LARP4B: variants seen among roughly 807,000 people sequenced by gnomAD.
LARP4B encodes the protein La ribonucleoprotein 4B.
In LARP4B, 12 loss-of-function variants were observed where a neutral mutation model predicts 89.8. The ratio of observed to expected loss-of-function variants is 0.13; its 90% confidence interval spans 0.09 to 0.22. The LOEUF is 0.22. Among genes scored for constraint, LARP4B ranks in the 10% least tolerant of loss-of-function variants. The probability of loss-of-function intolerance (pLI) is 1.00; values close to 1 mark genes in which losing one functional copy is unlikely to be tolerated. For synonymous variants in LARP4B, 367 were observed against 363.3 expected, an observed-to-expected ratio of 1.01 and a Z score of -0.12; for missense variants, 757 against 947.7, an observed-to-expected ratio of 0.80 and a Z score of 2.64.
At chr10:972,962 C>A in the LARP4B span, 1 of 440,390 alleles carries the variant, frequency 2.3e-6, no homozygotes, top group African/African-American at 2.0e-5. Context: ...TGCTCAGTTC[C>A]TCCCCGTGCA....
chr10:902,729 C>A (rs1211761065), intron 1 of LARP4B, among the ~76,000 whole-genome samples: 2 of 151,760 alleles, frequency 1.3e-5, no homozygotes, highest in East Asian at 3.9e-4. Flanking sequence ...ACTGCAACCT[C>A]CACATCCCAG....
intron 1 of LARP4B, among the ~76,000 whole-genome samples, chr10:906,652 C>A (rs182671848): frequency 6.6e-6 from 1 of 152,336 alleles, no homozygotes; most frequent in Admixed American, 6.5e-5. Flanking sequence ...AGTTTCAGCA[C>A]AAAATTATCT....
chr10:912,072 T>C (rs972198692), intron 1 of LARP4B, among the ~76,000 whole-genome samples: 1 of 152,230 alleles, frequency 6.6e-6, no homozygotes, highest in Non-Finnish European at 1.5e-5. Context: ...GGAATGTCCT[T>C]GCAGTGAGAA....
chr10:814,912 A>G lies in LARP4B; in HGVS notation c.1820+34T>C. On this transcript the variant is annotated intron_variant, in intron 16 of 17. Transcript: ENST00000316157. This position sits in a 1 kb window ranked among gnomAD's most constrained non-coding sequence, Gnocchi z 4.4. ...ACATCACAGGCCATTCAAGTCAGTC[A>G]ACACCAAGGCGCTGGAAGAACACCA... The G allele has an allele frequency of 6.3e-7, 1 of 1,577,696 alleles. No homozygotes were observed. The highest frequency in any genetic ancestry group is 2.3e-5 in the East Asian group (1 of 44,290).
chr10:957,833 AT>A, the LARP4B span, among the ~76,000 whole-genome samples: 1 of 112,912 alleles, frequency 8.9e-6, no homozygotes, highest in African/African-American at 3.6e-5. Flanking sequence ...GTCTGGCTCT[AT>A]TGCCCAGGCT....
At chr10:979,315 C>G in the LARP4B span, among the ~76,000 whole-genome samples, 1 of 152,172 alleles carries the variant, frequency 6.6e-6, no homozygotes, top group East Asian at 1.9e-4. Flanking sequence ...CAGATTGTGT[C>G]TTCCTCTGCC....
chr10:958,878 G>A, the LARP4B span, among the ~76,000 whole-genome samples: 1 of 152,224 alleles, frequency 6.6e-6, no homozygotes, highest in Admixed American at 6.5e-5. Context: ...GAGACTTCAG[G>A]TTGAACATGA....
the LARP4B span, among the ~76,000 whole-genome samples, chr10:948,436 C>A: frequency 6.6e-6 from 1 of 152,182 alleles, no homozygotes; most frequent in Non-Finnish European, 1.5e-5. Context: ...TTAGTAGAGA[C>A]AGGGTTTCTC....
intron 11 of LARP4B, among the ~76,000 whole-genome samples, chr10:826,591 C>T (rs1832636724): frequency 6.6e-6 from 1 of 152,158 alleles, no homozygotes; most frequent in African/African-American, 2.4e-5. Flanking sequence ...TAAAACAGTT[C>T]CTTTAAAAAC....
At chr10:827,661 G>A (rs1588868238) in intron 11 of LARP4B, among the ~76,000 whole-genome samples, 1 of 152,206 alleles carries the variant, frequency 6.6e-6, no homozygotes, top group Non-Finnish European at 1.5e-5. Flanking sequence ...GCCATAAGCT[G>A]ACCCAGAACC....
chr10:891,084 A>T (rs994696081), intron 1 of LARP4B, among the ~76,000 whole-genome samples: 1 of 152,076 alleles, frequency 6.6e-6, no homozygotes, highest in African/African-American at 2.4e-5. Context: ...TTTTTAGACA[A>T]TTGGAATTTA....
At chr10:888,672 CAAGA>C (rs1486594654) in intron 1 of LARP4B, among the ~76,000 whole-genome samples, 2 of 152,066 alleles carry the variant, frequency 1.3e-5, no homozygotes, top group Non-Finnish European at 2.9e-5. Context: ...AAAAGATTAA[CAAGA>C]AAGACAATTA....
At chr10:946,943 G>A in the LARP4B span, among the ~76,000 whole-genome samples, 7 of 151,894 alleles carry the variant, frequency 4.6e-5, no homozygotes, top group African/African-American at 7.3e-5. Flanking sequence ...ATTTTGGCTC[G>A]TTGCAACCTC....
the LARP4B span, among the ~76,000 whole-genome samples, chr10:940,356 G>A: frequency 6.6e-6 from 1 of 151,880 alleles, no homozygotes; most frequent in Non-Finnish European, 1.5e-5. Flanking sequence ...GTTTCACCAT[G>A]TTGGCCAGGC....
chr10:865,355 C>T (rs998854535), intron 3 of LARP4B, among the ~76,000 whole-genome samples: 1 of 152,178 alleles, frequency 6.6e-6, no homozygotes, highest in Non-Finnish European at 1.5e-5. Flanking sequence ...ATGACAGTCA[C>T]GCATGCTCAG....
intron 3 of LARP4B, among the ~76,000 whole-genome samples, chr10:872,067 C>T (rs1588948097): frequency 6.6e-6 from 1 of 152,232 alleles, no homozygotes; most frequent in East Asian, 1.9e-4. Flanking sequence ...AGGACACACG[C>T]ATGACTTAGT....
At chr10:940,820 A>G in the LARP4B span, among the ~76,000 whole-genome samples, 1 of 152,248 alleles carries the variant, frequency 6.6e-6, no homozygotes, top group African/African-American at 2.4e-5. Context: ...CGAGACTTTG[A>G]AAAGATGTTT....
intron 1 of LARP4B, among the ~76,000 whole-genome samples, chr10:925,917 T>C (rs1461263036): frequency 6.6e-6 from 1 of 152,268 alleles, no homozygotes; most frequent in Non-Finnish European, 1.5e-5. Flanking sequence ...AAATACTTTA[T>C]GCGCTAAATG....
At chr10:978,085 G>A in the LARP4B span, among the ~76,000 whole-genome samples, 2 of 152,188 alleles carry the variant, frequency 1.3e-5, no homozygotes, top group East Asian at 1.9e-4. Context: ...CCTCTAGGCT[G>A]GAAACAGTAT....
Sources: allele counts gnomAD v4.1 joint callset (sites outside exome capture counted in the v4.1 genomes callset), GRCh38; gene constraint gnomAD v4.1.1; non-coding constraint Gnocchi (gnomAD v3.1); transcripts MANE v1.5; gene names NCBI Gene and HGNC (gene_info 2026-07-23, HGNC 2026-07-21).